The following PCDHGA5 variants were observed in gnomAD, a reference collection of about 807,000 sequenced individuals.
PCDHGA5 encodes the protein protocadherin gamma subfamily A, 5, also known as protocadherin gamma-A5.
PCDHGA5 carries 36 observed loss-of-function variants against 56.7 expected under a neutral mutation model. The observed-to-expected ratio is 0.64, with a 90% CI of 0.49 to 0.84. The LOEUF (loss-of-function observed/expected upper bound fraction) is 0.84, where lower values mean the gene tolerates loss of function less well. Ranked by LOEUF, PCDHGA5 falls within the 40% of genes least tolerant of loss-of-function variation. The probability of loss-of-function intolerance (pLI) is 0.00; values close to 1 mark genes in which losing one functional copy is unlikely to be tolerated. For synonymous variants in PCDHGA5, 563 were observed against 520.2 expected, an observed-to-expected ratio of 1.08 and a Z score of -1.12; for missense variants, 1,305 against 1,201.5, an observed-to-expected ratio of 1.09 and a Z score of -1.27.
At position 141,487,344 on chromosome 5, in the gene PCDHGA5, C is replaced by T. The variant is rs1232854025; in HGVS notation, c.2422-7463C>T. On this transcript the variant is annotated intron_variant, in intron 1 of 3. Coordinates refer to ENST00000518069, the MANE Select transcript of PCDHGA5 (RefSeq NM_018918.3). This position sits in a 1 kb window ranked among gnomAD's most constrained non-coding sequence, Gnocchi z 5.0. ...CTTCGTGGGGCAGCCTGTGGAGTCA[C>T]ATGCTTTCCTGCTGGCACCTGTGCC... 3 of 1,614,208 alleles carry T rather than the reference C, an allele frequency of 1.9e-6. No individual in the cohort carries two copies. The highest frequency in any genetic ancestry group is 3.3e-5 in the Admixed American group (2 of 60,024).
At chr5:141,418,021 A>G (rs748774040) in intron 1 of PCDHGA5, 11 of 1,613,978 alleles carry the variant, frequency 6.8e-6, no homozygotes, top group African/African-American at 1.3e-5. Context: ...CTAAGGATCT[A>G]GGGCTTAGTG....
Position 141,476,376 on chromosome 5 carries a change from T to C in PCDHGA5, c.2422-18431T>C. ...GTGAACCGGGAGACCGGAGAGATGT[T>C]TGTGAACGACCGTCTGGATCGAGAG... On this transcript the variant is annotated intron_variant, in intron 1 of 3. Coordinates refer to ENST00000518069, the MANE Select transcript of PCDHGA5 (RefSeq NM_018918.3). The surrounding 1 kb of genome is among the most constrained non-coding windows in gnomAD (Gnocchi z 7.6). The C allele has an allele frequency of 6.2e-7, 1 of 1,614,060 alleles. No homozygotes were observed. Among genetic ancestry groups the C allele is most frequent in the Non-Finnish European group, 8.5e-7 (1 of 1,180,004 alleles).
At chr5:141,413,956 G>C in intron 1 of PCDHGA5, 11 of 1,613,484 alleles carry the variant, frequency 6.8e-6, no homozygotes, top group Non-Finnish European at 9.3e-6. Context: ...GAATTTGCCT[G>C]TGGGCACTCA....
intron 1 of PCDHGA5, chr5:141,376,827 C>T (rs954435109): frequency 2.9e-5 from 8 of 271,594 alleles, no homozygotes; most frequent in Middle Eastern, 1.2e-3. Flanking sequence ...GCTGGGACTA[C>T]AGGCGCCCGC....
At chr5:141,408,556 T>G (rs1215804867) in intron 1 of PCDHGA5, 1 of 1,613,940 alleles carries the variant, frequency 6.2e-7, no homozygotes, top group Non-Finnish European at 8.5e-7. Context: ...ATATTTTTCA[T>G]GTCATTGTGG....
Position 141,464,048 on chromosome 5 carries a change from T to G in PCDHGA5, c.2422-30759T>G, listed in dbSNP as rs377735829. Reference sequence around the variant, plus strand: ...GGGAGGCCAAGGCGGGTGGATCACCTGAGGTCAGGAGTTCAAGGCCAGCCT... The same window carrying G: ...GGGAGGCCAAGGCGGGTGGATCACCGGAGGTCAGGAGTTCAAGGCCAGCCT... On this transcript the variant is annotated intron_variant, in intron 1 of 3. Transcript: ENST00000518069. 1.2e-4 allele frequency among the ~76,000 whole-genome samples: 18 copies of G among 152,260 alleles called. No individual in the cohort carries two copies. In the East Asian group the frequency reaches 3.5e-3, roughly 29 times the overall value.
At chr5:141,507,797 C>A (rs933921827) in intron 3 of PCDHGA5, among the ~76,000 whole-genome samples, 1 of 152,240 alleles carries the variant, frequency 6.6e-6, no homozygotes, top group Admixed American at 6.5e-5. Context: ...TCTAAGCCTG[C>A]GCCCTGGGGA....
intron 1 of PCDHGA5, chr5:141,404,285 A>T (rs1195722797): frequency 1.9e-6 from 3 of 1,614,026 alleles, no homozygotes; most frequent in East Asian, 4.5e-5. Flanking sequence ...AGTGACTGAC[A>T]TCAATGATAA....
chr5:141,430,258 A>T (rs542653323), intron 1 of PCDHGA5, among the ~76,000 whole-genome samples: 1 of 147,968 alleles, frequency 6.8e-6, no homozygotes, highest in Non-Finnish European at 1.5e-5. Flanking sequence ...AGACATCTCC[A>T]TAATAGGTGT....
chr5:141,405,553 T>G, intron 1 of PCDHGA5: 1 of 619,004 alleles, frequency 1.6e-6, no homozygotes, highest in Non-Finnish European at 2.8e-6. Flanking sequence ...CCAAGTAGAG[T>G]AGCTGGGACT....
intron 1 of PCDHGA5, chr5:141,419,893 TCCC>T (rs571839457): frequency 5.0e-5 from 81 of 1,613,960 alleles, no homozygotes; most frequent in Non-Finnish European, 6.5e-5. Context: ...TCAGCGACCA[TCCC>T]ACACCCTCTG....
intron 1 of PCDHGA5, among the ~76,000 whole-genome samples, chr5:141,447,600 T>G (rs769487703): frequency 6.6e-6 from 1 of 151,992 alleles, no homozygotes; most frequent in Non-Finnish European, 1.5e-5. Flanking sequence ...TCCTATAGAG[T>G]CCTTAGCATT....
At chr5:141,397,770 A>G (rs913843546) in intron 1 of PCDHGA5, among the ~76,000 whole-genome samples, 13 of 152,238 alleles carry the variant, frequency 8.5e-5, no homozygotes, top group African/African-American at 2.2e-4. Flanking sequence ...TTTATTAAGT[A>G]TATGGACGTA....
At chr5:141,468,652 G>A (rs1206892693) in intron 1 of PCDHGA5, 2 of 149,062 alleles carry the variant, frequency 1.3e-5, no homozygotes, top group African/African-American at 2.5e-5. Context: ...GGATCACAAG[G>A]TCAGGAGATC....
chr5:141,426,311 G>C (rs895147447), intron 1 of PCDHGA5: 7 of 173,614 alleles, frequency 4.0e-5, no homozygotes, highest in Middle Eastern at 2.9e-3. Context: ...AAGCAGAGAA[G>C]CAGGACCCGG....
At chr5:141,443,093 C>T (rs1316602934) in intron 1 of PCDHGA5, among the ~76,000 whole-genome samples, 2 of 151,940 alleles carry the variant, frequency 1.3e-5, no homozygotes, top group African/African-American at 4.8e-5. Flanking sequence ...CAGTCTCCTT[C>T]TCAAGCTGAA....
At chr5:141,495,102 C>A (rs1344771035) in intron 2 of PCDHGA5, among the ~76,000 whole-genome samples, 3 of 152,160 alleles carry the variant, frequency 2.0e-5, no homozygotes, top group Non-Finnish European at 4.4e-5. Flanking sequence ...CTCGCCACGA[C>A]CGGCACCTTT....
At position 141,389,870 on chromosome 5, in the gene PCDHGA5, C is replaced by T. The variant is rs1395147259; in HGVS notation, c.2421+23119C>T. On this transcript the variant is annotated intron_variant, in intron 1 of 3. Transcript: ENST00000518069. ...CCACTGCCACGTTGCACCTGGTCTT[C>T]GCCGACAGCTTGCAGGAGGTGCTGC... is the stretch of plus-strand genomic sequence containing the variant. The T allele has an allele frequency of 2.5e-6, 4 of 1,613,960 alleles. No individual in the cohort carries two copies. The South Asian group carries it at 3.3e-5, about 13-fold the overall frequency.
intron 1 of PCDHGA5, chr5:141,399,986 G>A (rs1400468651): frequency 6.2e-7 from 1 of 1,612,408 alleles, no homozygotes; most frequent in East Asian, 2.2e-5. Context: ...CTGCGCACAG[G>A]AGAGGTGCGC....
Sources: allele counts gnomAD v4.1 joint callset (sites outside exome capture counted in the v4.1 genomes callset), GRCh38; gene constraint gnomAD v4.1.1; non-coding constraint Gnocchi (gnomAD v3.1); transcripts MANE v1.5; gene names NCBI Gene and HGNC (gene_info 2026-07-23, HGNC 2026-07-21).